Variants in GPHN observed in about 807,000 individuals in gnomAD.
GPHN encodes the protein gephyrin.
A neutral mutation model predicts 95.5 loss-of-function variants in GPHN; 17 were observed. The ratio of observed to expected loss-of-function variants is 0.18; its 90% confidence interval spans 0.12 to 0.27. GPHN has a LOEUF of 0.27. GPHN is among the 10% of genes least tolerant of loss of function. The pLI, the probability that GPHN is intolerant of heterozygous loss-of-function variation, is 1.00. For synonymous variants in GPHN, 320 were observed against 322.5 expected (o/e 0.99, Z 0.08); for missense variants, 660 against 978.1 (o/e 0.67, Z 4.34).
intron 1 of GPHN, among the ~76,000 whole-genome samples, chr14:66,676,665 G>A (rs1171716855): frequency 7.7e-6 from 1 of 130,230 alleles, no homozygotes; most frequent in African/African-American, 3.5e-5. Context: ...CCACTCAATC[G>A]TAGTGTATTT....
chr14:67,151,434 A>G (rs963079827), intron 18 of GPHN, among the ~76,000 whole-genome samples: 2 of 152,222 alleles, frequency 1.3e-5, no homozygotes, highest in Admixed American at 1.3e-4. Context: ...TTTTACAGAG[A>G]TCACCAAATG....
chr14:67,109,768 A>G (rs1444812657), intron 13 of GPHN, among the ~76,000 whole-genome samples: 2 of 152,248 alleles, frequency 1.3e-5, no homozygotes, highest in Non-Finnish European at 2.9e-5. Flanking sequence ...GTTATTCACA[A>G]TGTATGTCCT....
intron 4 of GPHN, among the ~76,000 whole-genome samples, chr14:66,866,180 A>G (rs991638942): frequency 6.6e-6 from 1 of 152,166 alleles, no homozygotes; most frequent in Non-Finnish European, 1.5e-5. Context: ...TATTAACTAT[A>G]GTCACCATAT....
the GPHN span, among the ~76,000 whole-genome samples, chr14:67,552,316 G>A: frequency 2.0e-5 from 3 of 152,232 alleles, no homozygotes; most frequent in African/African-American, 7.2e-5. Context: ...AGCTCCAGGT[G>A]TGGCCTTTAA....
chr14:66,924,362 C>T, intron 8 of GPHN, 70 bp downstream of exon 8: 1 of 851,426 alleles, frequency 1.2e-6, no homozygotes, highest in South Asian at 1.4e-5. Context: ...TGGAGATAGG[C>T]TGTAACATAT....
intron 9 of GPHN, among the ~76,000 whole-genome samples, chr14:66,983,559 C>A (rs1423635502): frequency 6.6e-6 from 1 of 152,156 alleles, no homozygotes; most frequent in Non-Finnish European, 1.5e-5. Context: ...CTTTGAAAAA[C>A]ACCTTGGCTT....
Position 67,099,135 on chromosome 14 carries a change from G to A in GPHN, c.1238-1721G>A, listed in dbSNP as rs533258918. ...CTTTTTTTTTTTTTTTTGAGACGGA[G>A]TTTCACTCTTGTTGCCCAGGCTGGA... On this transcript the variant is annotated intron_variant, in intron 12 of 22. Coordinates refer to ENST00000478722, the MANE Select transcript of GPHN (RefSeq NM_020806.5). 2.7e-5 allele frequency among the ~76,000 whole-genome samples: 4 copies of A among 148,714 alleles called. No individual in the cohort carries two copies. In the South Asian group the frequency reaches 8.5e-4, roughly 32 times the overall value.
chr14:67,285,386 AG>A, the GPHN span, among the ~76,000 whole-genome samples: 2 of 101,712 alleles, frequency 2.0e-5, no homozygotes, highest in African/African-American at 1.1e-4. Context: ...TTTTTTTTTG[AG>A]ACGGAGTCTC....
At chr14:66,752,808 CA>C (rs957703277) in intron 2 of GPHN, among the ~76,000 whole-genome samples, 57 of 151,226 alleles carry the variant, frequency 3.8e-4, no homozygotes, top group African/African-American at 1.2e-3. Context: ...TAAAGCGAAG[CA>C]CAATAAAAAA....
At chr14:67,162,428 G>T (rs1231226014) in intron 19 of GPHN, among the ~76,000 whole-genome samples, 1 of 152,152 alleles carries the variant, frequency 6.6e-6, no homozygotes, top group East Asian at 1.9e-4. Context: ...TAGAACAAAA[G>T]AAATATAAAA....
chr14:67,594,126 A>G, the GPHN span, among the ~76,000 whole-genome samples: 1 of 152,118 alleles, frequency 6.6e-6, no homozygotes, highest in African/African-American at 2.4e-5. Flanking sequence ...TCTAGGGGAA[A>G]CCTCCATCAG....
chr14:67,282,302 A>G, the GPHN span, among the ~76,000 whole-genome samples: 1 of 152,132 alleles, frequency 6.6e-6, no homozygotes, highest in African/African-American at 2.4e-5. Flanking sequence ...TAATACCCAT[A>G]TGACAGGAGA....
Position 66,508,222 on chromosome 14 carries a change from G to A in GPHN, c.-306G>A. ...GAGCGTTCCGACACTCTCCGGCCTC[G>A]TTCTGCCGCCTCCGCGCGCTCTCCC... On this transcript the variant is annotated 5_prime_UTR_variant, in exon 1 of 23. Transcript: ENST00000478722. 3.7e-6 allele frequency: 2 copies of A among 535,222 alleles called. No homozygotes were observed. Among genetic ancestry groups the A allele is most frequent in the Non-Finnish European group, 3.4e-6 (1 of 296,122 alleles). 33.2% of individuals were successfully genotyped at this position (535,222 alleles called of 1,614,324 possible).
intron 18 of GPHN, among the ~76,000 whole-genome samples, chr14:67,156,318 T>C (rs2081585259): frequency 6.6e-6 from 1 of 152,030 alleles, no homozygotes. Flanking sequence ...AATATAAACA[T>C]ATACATGCAC....
chr14:67,020,220 T>A (rs1019111348), intron 9 of GPHN, among the ~76,000 whole-genome samples: 6 of 152,196 alleles, frequency 3.9e-5, no homozygotes, highest in African/African-American at 1.4e-4. Context: ...TAACGTAAGT[T>A]GAAATGTTCT....
At chr14:66,594,446 A>T (rs1274610712) in intron 1 of GPHN, among the ~76,000 whole-genome samples, 1 of 152,182 alleles carries the variant, frequency 6.6e-6, no homozygotes, top group Non-Finnish European at 1.5e-5. Flanking sequence ...TCAAAACAGC[A>T]TGGTGCTGGC....
intron 8 of GPHN, among the ~76,000 whole-genome samples, chr14:66,949,358 A>G (rs2067955264): frequency 6.6e-6 from 1 of 152,162 alleles, no homozygotes; most frequent in Non-Finnish European, 1.5e-5. Context: ...TTGACCTCCC[A>G]AAGTACTGGG....
the GPHN span, among the ~76,000 whole-genome samples, chr14:67,667,901 G>A: frequency 3.3e-5 from 5 of 152,024 alleles, no homozygotes; most frequent in South Asian, 2.1e-4. Context: ...CCGAGATCGC[G>A]CCACTGCACT....
At chr14:66,819,152 A>G (rs1026497122) in intron 3 of GPHN, among the ~76,000 whole-genome samples, 1 of 152,130 alleles carries the variant, frequency 6.6e-6, no homozygotes, top group African/African-American at 2.4e-5. Flanking sequence ...TTTGTCATGA[A>G]TTCTTTGCCC....
Sources: allele counts gnomAD v4.1 joint callset (sites outside exome capture counted in the v4.1 genomes callset), GRCh38; gene constraint gnomAD v4.1.1; transcripts MANE v1.5; gene names NCBI Gene and HGNC (gene_info 2026-07-23, HGNC 2026-07-21).